Variants in DUSP22 observed in about 807,000 individuals in gnomAD.
DUSP22 encodes dual specificity phosphatase 22, also known as dual specificity protein phosphatase 22.
Under a neutral mutation model 24.5 loss-of-function variants are expected in DUSP22, and 24 were observed. The ratio of observed to expected loss-of-function variants is 0.98; its 90% CI spans 0.71 to 1.38. The LOEUF is 1.38. DUSP22 is among the 40% of genes most tolerant of loss of function. DUSP22 has a pLI of 0.00. For synonymous variants in DUSP22, 160 were observed against 106.4 expected, an observed-to-expected ratio of 1.50 and a Z score of -3.10; for missense variants, 330 against 269.2, an observed-to-expected ratio of 1.23 and a Z score of -1.58.
chr6:346,126 G>A lies in DUSP22; in HGVS notation c.263+198G>A, dbSNP rs896028717. On this transcript the variant is annotated intron_variant, in intron 5 of 6. Transcript: ENST00000419235. ...TTCTGTTGAAGGAGAACCCTAACTCGTTTTGCTTTTGTTTTTTTCCCATTT... is the reference window on the plus strand; with the variant it reads ...TTCTGTTGAAGGAGAACCCTAACTCATTTTGCTTTTGTTTTTTTCCCATTT... Among the ~76,000 whole-genome samples, 13 of 152,412 alleles carry A rather than the reference G, an allele frequency of 8.5e-5. No individual in the cohort carries two copies. In the South Asian group the frequency reaches 1.4e-3, roughly 17 times the overall value.
chr6:319,444 A>G (rs528327027), intron 3 of DUSP22, among the ~76,000 whole-genome samples: 38 of 152,402 alleles, frequency 2.5e-4, no homozygotes, highest in Admixed American at 1.3e-3. Flanking sequence ...TTAATCTTCA[A>G]TCTTCAAAGG....
At chr6:302,707 A>G in intron 1 of DUSP22, among the ~76,000 whole-genome samples, 1 of 152,306 alleles carries the variant, frequency 6.6e-6, no homozygotes, top group East Asian at 1.9e-4. Context: ...TTTGATCTAG[A>G]AAATCGCCTA....
chr6:323,865 C>T (rs1045242614), intron 3 of DUSP22, among the ~76,000 whole-genome samples: 2 of 152,306 alleles, frequency 1.3e-5, no homozygotes, highest in Admixed American at 1.3e-4. Flanking sequence ...TACCTTGTTC[C>T]AGGAGATCAG....
intron 4 of DUSP22, among the ~76,000 whole-genome samples, chr6:338,494 A>G (rs1581185711): frequency 6.6e-6 from 1 of 152,424 alleles, no homozygotes; most frequent in East Asian, 1.9e-4. Context: ...CTGACAATCA[A>G]CTTTTGCTTT....
intron 4 of DUSP22, 91 bp downstream of exon 4, chr6:335,254 C>CA: frequency 6.6e-7 from 1 of 1,506,792 alleles, no homozygotes; most frequent in South Asian, 1.1e-5. Flanking sequence ...GTGAAGTTGT[C>CA]AGAGCTCACG....
At chr6:303,142 C>G (rs924133893) in intron 1 of DUSP22, among the ~76,000 whole-genome samples, 1 of 152,290 alleles carries the variant, frequency 6.6e-6, no homozygotes, top group African/African-American at 2.4e-5. Context: ...AGGAGAGACC[C>G]TCGGGAATGA....
chr6:305,639 G>A (rs779029529), intron 2 of DUSP22, among the ~76,000 whole-genome samples: 4 of 152,292 alleles, frequency 2.6e-5, no homozygotes, highest in Admixed American at 6.5e-5. Flanking sequence ...TGGGCTTGTC[G>A]GCTTCCAGGG....
intron 3 of DUSP22, among the ~76,000 whole-genome samples, chr6:314,183 G>C (rs1758234573): frequency 6.6e-6 from 1 of 152,420 alleles, no homozygotes; most frequent in South Asian, 2.1e-4. Context: ...CTGACCCCTG[G>C]CTGGTGAGAG....
chr6:315,716 C>T (rs1758310970), intron 3 of DUSP22, among the ~76,000 whole-genome samples: 1 of 152,310 alleles, frequency 6.6e-6, no homozygotes, highest in Non-Finnish European at 1.5e-5. Flanking sequence ...TTCACACATC[C>T]CGTCCCTTTC....
rs542278844 is a variant in DUSP22 at position 350,563 on chromosome 6, G to A, written c.*1612G>A. The A allele has an allele frequency of 4.1e-4, 565 of 1,380,282 alleles. No individual in the cohort carries two copies. Among genetic ancestry groups the A allele is most frequent in the Middle Eastern group, 1.1e-3 (4 of 3,724 alleles). 85.5% of individuals were successfully genotyped at this position (1,380,282 alleles called of 1,614,324 possible). A position where few individuals can be genotyped will look rare whatever the true frequency, so the allele number is the denominator to read the frequency against. On this transcript the variant is annotated 3_prime_UTR_variant, in exon 7 of 7. Transcript: ENST00000419235. The stretch of plus-strand genomic sequence containing the variant: ...GGGAAAAACAAAGTTGCCTGATTCC[G>A]CGCAGGTGCACAGGCCCCGGATGTA...
intron 1 of DUSP22, among the ~76,000 whole-genome samples, chr6:298,796 T>A (rs1304234133): frequency 3.3e-5 from 5 of 152,304 alleles, no homozygotes; most frequent in African/African-American, 1.2e-4. Context: ...TTATTCAGAC[T>A]TCCTCTTAGC....
chr6:347,138 C>T (rs1759923796), intron 5 of DUSP22, among the ~76,000 whole-genome samples: 1 of 152,308 alleles, frequency 6.6e-6, no homozygotes, highest in African/African-American at 2.4e-5. Flanking sequence ...AACTCCCACT[C>T]CTGGGCTTCT....
rs896765721 is a variant in DUSP22, at chr6:332,345, G to A, written c.139-2769G>A. Among the ~76,000 whole-genome samples, 5 of 152,306 alleles carry A rather than the reference G, an allele frequency of 3.3e-5. No homozygotes were observed. In the East Asian group the frequency reaches 7.7e-4, roughly 23 times the overall value. On this transcript the variant is annotated intron_variant, in intron 3 of 6. Transcript: ENST00000419235. ...TGCAGCTCCACACGCCCACCCCAGC[G>A]ACTGTGGGCAGGGGCCAGCATGGCC... is the stretch of plus-strand genomic sequence containing the variant.
intron 3 of DUSP22, among the ~76,000 whole-genome samples, chr6:322,299 C>T (rs1317133255): frequency 6.6e-6 from 1 of 152,428 alleles, no homozygotes; most frequent in African/African-American, 2.4e-5. Context: ...AATTCACAGC[C>T]TGTGAACACG....
chr6:315,239 C>G (rs1025087351), intron 3 of DUSP22, among the ~76,000 whole-genome samples: 21 of 152,304 alleles, frequency 1.4e-4, no homozygotes, highest in Non-Finnish European at 2.9e-4. Context: ...TCTAGTAAGC[C>G]CTAAATTCAC....
At chr6:344,211 A>T (rs1404298776) in intron 4 of DUSP22, among the ~76,000 whole-genome samples, 2 of 150,140 alleles carry the variant, frequency 1.3e-5, no homozygotes, top group Admixed American at 6.6e-5. Context: ...GACAAGAGAA[A>T]AGGGCAGTCT....
At chr6:296,137 A>T (rs1160241970) in intron 1 of DUSP22, among the ~76,000 whole-genome samples, 2 of 152,298 alleles carry the variant, frequency 1.3e-5, no homozygotes, top group African/African-American at 2.4e-5. Context: ...CTCTTCCTTT[A>T]TGTTTGACAT....
At chr6:331,219 T>G (rs1433922037) in intron 3 of DUSP22, among the ~76,000 whole-genome samples, 4 of 152,304 alleles carry the variant, frequency 2.6e-5, no homozygotes, top group Non-Finnish European at 4.4e-5. Context: ...ACCAATCCAC[T>G]GTTTTGGAAC....
intron 2 of DUSP22, among the ~76,000 whole-genome samples, chr6:310,826 C>T (rs971986998): frequency 9.8e-5 from 15 of 152,414 alleles, no homozygotes; most frequent in African/African-American, 1.9e-4. Context: ...AAAATGGTCT[C>T]GTAAATTTAC....
Sources: allele counts gnomAD v4.1 joint callset (sites outside exome capture counted in the v4.1 genomes callset), GRCh38; gene constraint gnomAD v4.1.1; transcripts MANE v1.5; gene names NCBI Gene and HGNC (gene_info 2026-07-23, HGNC 2026-07-21).